WDFY4: variants seen among roughly 807,000 people sequenced by gnomAD.
The protein encoded by WDFY4 is WD repeat- and FYVE domain-containing protein 4.
Under a neutral mutation model 351.9 loss-of-function variants are expected in WDFY4, and 169 were observed. That is an observed-to-expected ratio of 0.48 (90% confidence interval 0.42 to 0.55). WDFY4 has a LOEUF of 0.55. WDFY4 is among the 20% of genes least tolerant of loss of function. WDFY4 has a pLI of 0.00. For missense variants in WDFY4, 3,803 were observed against 3,935.6 expected (o/e 0.97, Z 0.90); for synonymous variants, 1,622 against 1,574.6 (o/e 1.03, Z -0.71).
chr10:48,853,933 A>G (rs117024457), intron 39 of WDFY4, among the ~76,000 whole-genome samples: 1,666 of 152,344 alleles, frequency 0.011, 16 homozygotes, highest in South Asian at 0.025. Flanking sequence ...TGTTTGCAGA[A>G]CTTAACAACA....
intron 7 of WDFY4, among the ~76,000 whole-genome samples, chr10:48,728,960 A>T (rs1335394674): frequency 2.0e-5 from 3 of 152,208 alleles, no homozygotes; most frequent in Non-Finnish European, 1.5e-5. Context: ...CTGGAATAAG[A>T]CTTGAGATGC....
At chr10:48,828,102 TTCAA>T (rs2068065634) in intron 36 of WDFY4, among the ~76,000 whole-genome samples, 1 of 152,236 alleles carries the variant, frequency 6.6e-6, no homozygotes, top group South Asian at 2.1e-4. Context: ...TCATTTTCAG[TTCAA>T]TCCATGAACA....
At chr10:48,809,574 A>T (rs892740708) in intron 28 of WDFY4, among the ~76,000 whole-genome samples, 2 of 133,904 alleles carry the variant, frequency 1.5e-5, no homozygotes, top group Admixed American at 7.2e-5. Context: ...AACATCATCA[A>T]CATCACCACC....
At chr10:48,919,884 G>C (rs1838896906) in intron 47 of WDFY4, among the ~76,000 whole-genome samples, 1 of 152,030 alleles carries the variant, frequency 6.6e-6, no homozygotes, top group Non-Finnish European at 1.5e-5. Flanking sequence ...AAATAGAATA[G>C]AGAGTGATTC....
intron 16 of WDFY4, 110 bp downstream of exon 16, chr10:48,777,094 A>C (rs2066056749): frequency 9.1e-6 from 12 of 1,317,946 alleles, no homozygotes; most frequent in African/African-American, 1.5e-5. Context: ...CTCACCACTC[A>C]GCAGAGGAAA....
At chr10:48,939,358 T>C (rs2133745807) in intron 47 of WDFY4, among the ~76,000 whole-genome samples, 1 of 152,328 alleles carries the variant, frequency 6.6e-6, no homozygotes, top group Middle Eastern at 3.4e-3. Context: ...CCCACACCCC[T>C]GTGTGACAGG....
Position 48,778,416 on chromosome 10 carries a change from G to A in WDFY4, c.3176-195G>A, listed in dbSNP as rs568248585. Among the ~76,000 whole-genome samples, 7 of 152,376 alleles carry A rather than the reference G, an allele frequency of 4.6e-5. No individual in the cohort carries two copies. The South Asian group carries it at 1.0e-3, about 23-fold the overall frequency. ...AGCTGACCAGGAGCCCACGTGTGACGGACCTCAGGGAGATCGAGATCTTCT... is the reference window on the plus strand; with the variant it reads ...AGCTGACCAGGAGCCCACGTGTGACAGACCTCAGGGAGATCGAGATCTTCT... On this transcript the variant is annotated intron_variant, in intron 17 of 61. Coordinates refer to ENST00000325239, the MANE Select transcript of WDFY4 (RefSeq NM_001394531.1).
At chr10:48,866,570 T>C (rs2069550453) in intron 39 of WDFY4, among the ~76,000 whole-genome samples, 1 of 152,206 alleles carries the variant, frequency 6.6e-6, no homozygotes, top group Non-Finnish European at 1.5e-5. Flanking sequence ...AAAGCATAAA[T>C]GTCGGGCACA....
intron 44 of WDFY4, among the ~76,000 whole-genome samples, chr10:48,891,132 T>C (rs1427342170): frequency 1.3e-5 from 2 of 152,234 alleles, no homozygotes; most frequent in Admixed American, 1.3e-4. Flanking sequence ...GCACAGGTTC[T>C]TTCAGAAACT....
At chr10:48,772,383 G>A (rs938145315) in intron 13 of WDFY4, among the ~76,000 whole-genome samples, 16 of 152,050 alleles carry the variant, frequency 1.1e-4, no homozygotes, top group African/African-American at 2.9e-4. Context: ...ACACATGTGC[G>A]TGTACCTGTG....
At chr10:48,786,972 G>A (rs2066424716) in intron 20 of WDFY4, 102 bp downstream of exon 20, 1 of 1,024,332 alleles carries the variant, frequency 9.8e-7, no homozygotes, top group Non-Finnish European at 1.4e-6. Context: ...CAGCGTTAAA[G>A]TCAGTCATTA....
intron 39 of WDFY4, among the ~76,000 whole-genome samples, chr10:48,859,347 T>C (rs2069254600): frequency 6.6e-6 from 1 of 152,222 alleles, no homozygotes; most frequent in Non-Finnish European, 1.5e-5. Context: ...AGATGTTAGC[T>C]GTAGAGTTTT....
At chr10:48,924,952 T>C (rs1173834432) in intron 47 of WDFY4, among the ~76,000 whole-genome samples, 1 of 152,232 alleles carries the variant, frequency 6.6e-6, no homozygotes, top group African/African-American at 2.4e-5. Context: ...ATAATTTCAT[T>C]CTTTCAACTG....
chr10:48,750,700 C>A (rs141037441), intron 12 of WDFY4, among the ~76,000 whole-genome samples: 17 of 152,346 alleles, frequency 1.1e-4, no homozygotes, highest in African/African-American at 3.8e-4. Context: ...TATCTGAAAC[C>A]AGGATATGTA....
chr10:48,799,531 C>T lies in WDFY4; in HGVS notation c.4410+3081C>T, dbSNP rs535229292. On this transcript the variant is annotated intron_variant, in intron 24 of 61. Transcript: ENST00000325239. ...GTGGCTCATGGCTGTAATCCCAGCA[C>T]GAAGAGGCCGAGGCGGGTGGATCGT... 6.6e-5 allele frequency among the ~76,000 whole-genome samples: 10 copies of T among 152,134 alleles called. No homozygotes were observed. The South Asian group carries it at 1.0e-3, about 16-fold the overall frequency.
chr10:48,779,567 G>A (rs1292362014), intron 18 of WDFY4, among the ~76,000 whole-genome samples: 1 of 152,194 alleles, frequency 6.6e-6, no homozygotes, highest in African/African-American at 2.4e-5. Flanking sequence ...TGGAGTCTCT[G>A]TGGAGGTAGT....
intron 39 of WDFY4, among the ~76,000 whole-genome samples, chr10:48,851,032 A>C (rs2068940150): frequency 6.6e-6 from 1 of 152,242 alleles, no homozygotes; most frequent in African/African-American, 2.4e-5. Context: ...AAATCTTGAT[A>C]TAGCAAGAAC....
chr10:48,741,337 T>G (rs2064842118), intron 11 of WDFY4, among the ~76,000 whole-genome samples: 1 of 150,842 alleles, frequency 6.6e-6, no homozygotes, highest in Non-Finnish European at 1.5e-5. Context: ...GAGATGGAGC[T>G]GGATACTCAG....
At chr10:48,913,462 G>T in intron 47 of WDFY4, 5 of 1,613,762 alleles carry the variant, frequency 3.1e-6, no homozygotes, top group Non-Finnish European at 4.2e-6. Context: ...GTCTTTCTCG[G>T]TGTCGTCGTG....
Sources: allele counts gnomAD v4.1 joint callset (sites outside exome capture counted in the v4.1 genomes callset), GRCh38; gene constraint gnomAD v4.1.1; transcripts MANE v1.5; gene names NCBI Gene and HGNC (gene_info 2026-07-23, HGNC 2026-07-21).